The following CHST10 variants were observed in gnomAD, a reference collection of about 807,000 sequenced individuals.
CHST10 encodes HNK-1 sulfotransferase.
CHST10 carries 24 observed loss-of-function variants against 34.7 expected under a neutral mutation model. That is an observed-to-expected ratio of 0.69 (90% CI 0.50 to 0.97). CHST10 has a LOEUF of 0.97. Among genes scored for constraint, CHST10 ranks in the 50% least tolerant of loss-of-function variants. The pLI, the probability that CHST10 is intolerant of heterozygous loss-of-function variation, is 0.00. For missense variants in CHST10, 402 were observed against 452.1 expected (o/e 0.89, Z 1.00); for synonymous variants, 161 against 169.3 (o/e 0.95, Z 0.38).
chr2:100,417,151 T>G, intron 1 of CHST10: 1 of 951,920 alleles, frequency 1.1e-6, no homozygotes, highest in South Asian at 1.4e-5. Context: ...ATTCCGCGGG[T>G]CACAGCATCC....
At chr2:100,412,416 T>C (rs990454667) in intron 2 of CHST10, among the ~76,000 whole-genome samples, 2 of 152,168 alleles carry the variant, frequency 1.3e-5, no homozygotes, top group Non-Finnish European at 2.9e-5. Context: ...CCTGAAGGTG[T>C]CTGGCTTTAT....
intron 3 of CHST10, among the ~76,000 whole-genome samples, chr2:100,405,290 T>A (rs1204408117): frequency 5.3e-5 from 8 of 152,188 alleles, no homozygotes; most frequent in Admixed American, 5.2e-4. Context: ...CTCCCGAGGC[T>A]GTGCAGACCT....
Position 100,392,055 on chromosome 2 carries a change from T to C in CHST10, c.*1190A>G, listed in dbSNP as rs182231104. 127 of 152,828 alleles carry C rather than the reference T, an allele frequency of 8.3e-4. No individual in the cohort carries two copies. Among genetic ancestry groups the C allele is most frequent in the African/African-American group, 2.8e-3 (115 of 41,580 alleles). The allele number at this position is 152,828 out of a possible 1,614,324, so 9.5% of individuals were successfully genotyped here. On this transcript the variant is annotated 3_prime_UTR_variant, in exon 7 of 7. Coordinates refer to ENST00000264249, the MANE Select transcript of CHST10 (RefSeq NM_004854.5). ...TCTCAGCGGTCCTGGCTGTGGACGG[T>C]ATCTGAAATGGTCGCTGCGGCTTGC...
chr2:100,402,806 C>A, intron 3 of CHST10, 151 bp from the exon 4 acceptor site: 1 of 624,468 alleles, frequency 1.6e-6, no homozygotes, highest in Non-Finnish European at 2.8e-6. Context: ...GGAGGGCAGT[C>A]TGTCCAACAA....
chr2:100,393,341 C>T lies in CHST10; in HGVS notation c.975G>A (p.Leu325=). 6.2e-7 allele frequency: 1 copy of T among 1,614,170 alleles called. No individual in the cohort carries two copies. Among genetic ancestry groups the T allele is most frequent in the Admixed American group, 1.7e-5 (1 of 60,016 alleles). The change falls in exon 7 of 7, where the codon CTG becomes CTA. Residue 325 remains leucine (L), a synonymous_variant. Coordinates refer to ENST00000264249, the MANE Select transcript of CHST10 (RefSeq NM_004854.5). ...YNRTKVEHYF[L]GISKRDIRRL... ...GTCGGATGTCTCGTTTGCTGATGCC[C>T]AGGAAATAGTGCTCCACCTTGGTTC...
chr2:100,408,588 A>G (rs1489391649), intron 2 of CHST10: 1 of 148,062 alleles, frequency 6.8e-6, no homozygotes, highest in African/African-American at 2.5e-5. Context: ...ATCCCTTGGC[A>G]CTCTTCGTGA....
rs1465829 is a variant in CHST10, at chr2:100,402,569, G to A, written c.187C>T (p.Leu63=). 3,558 of 1,613,538 alleles carry A rather than the reference G, an allele frequency of 2.2e-3. 54 individuals carry two copies. In the East Asian group the frequency reaches 0.041, roughly 18 times the overall value. Residue 63 remains leucine, a synonymous_variant, in exon 4 of 7, where the codon CTG becomes TTG. Coordinates refer to ENST00000264249, the MANE Select transcript of CHST10 (RefSeq NM_004854.5). ...CACGGCCTGGCTGTGCCCACCTTCA[G>A]TTCCTCAGGAATGTGCTTCTCTTCT... The part of the protein sequence containing the change: ...LPEEKHIPEE[L]KPTGKELPDS...
Position 100,397,902 on chromosome 2 carries a change from A to G in CHST10, c.427+6T>C, listed in dbSNP as rs376796921. The G allele has an allele frequency of 5.0e-6, 8 of 1,606,642 alleles. No individual in the cohort carries two copies. The African/African-American group carries it at 1.1e-4, about 21-fold the overall frequency. On this transcript the variant is annotated splice_donor_region_variant and intron_variant, in intron 5 of 6. Coordinates refer to ENST00000264249, the MANE Select transcript of CHST10 (RefSeq NM_004854.5). ...CCCAGTGGACATTCAGTAGACCCAC[A>G]CACACCATTTAGAACAATCAGCACT... is the stretch of plus-strand genomic sequence containing the variant.
chr2:100,402,447 G>C (rs1458006598), intron 4 of CHST10, 117 bp downstream of exon 4: 3 of 755,356 alleles, frequency 4.0e-6, no homozygotes, highest in Non-Finnish European at 6.9e-6. Flanking sequence ...AGTAACACAG[G>C]AAAAGGCTCT....
At chr2:100,402,738 G>A in intron 3 of CHST10, 83 bp from the exon 4 acceptor site, 2 of 1,233,332 alleles carry the variant, frequency 1.6e-6, no homozygotes. Context: ...CCCAGAAATA[G>A]AAGCTCTCAA....
chr2:100,398,359 A>G lies in CHST10; in HGVS notation c.193-217T>C, dbSNP rs551285734. On this transcript the variant is annotated intron_variant, in intron 4 of 6. Transcript: ENST00000264249. ...AGCCCGATCGGCAGGCTGGGCAAGG[A>G]AAATGAATGCAAGCTTGGTTCCTCA... is the stretch of plus-strand genomic sequence containing the variant. Among the ~76,000 whole-genome samples, 222 of 151,890 alleles carry G rather than the reference A, an allele frequency of 1.5e-3. 6 individuals are homozygous for G. The South Asian group carries it at 0.046, about 31-fold the overall frequency.
intron 6 of CHST10, 46 bp downstream of exon 6, chr2:100,395,463 A>G (rs769808973): frequency 1.9e-6 from 3 of 1,540,618 alleles, no homozygotes; most frequent in Non-Finnish European, 2.7e-6. Flanking sequence ...ATTTCTTCTC[A>G]GGTTTACAAA....
chr2:100,398,973 T>A (rs1341749475), intron 4 of CHST10, among the ~76,000 whole-genome samples: 1 of 152,146 alleles, frequency 6.6e-6, no homozygotes, highest in Admixed American at 6.5e-5. Context: ...CACCTCCTTG[T>A]TCTCTGGAGG....
intron 1 of CHST10, 93 bp downstream of exon 1, chr2:100,417,281 A>C (rs1309704145): frequency 5.7e-6 from 2 of 349,264 alleles, no homozygotes; most frequent in East Asian, 7.5e-5. Context: ...GCCAGGACAA[A>C]ACCCGCGGGT....
chr2:100,393,152 G>C lies in CHST10; in HGVS notation c.*93C>G. 1 of 1,376,256 alleles carries C rather than the reference G, an allele frequency of 7.3e-7. No homozygotes were observed. Among genetic ancestry groups the C allele is most frequent in the Non-Finnish European group, 1.0e-6 (1 of 992,370 alleles). 85.3% of individuals were successfully genotyped at this position (1,376,256 alleles called of 1,614,324 possible). A position where few individuals can be genotyped will look rare whatever the true frequency, so the allele number is the denominator to read the frequency against. ...AGACCCCGGGCGTCCTCAAAGGAGG[G>C]GTGTGGTGGAGGAAGGGTCATTTCT... On this transcript the variant is annotated 3_prime_UTR_variant, in exon 7 of 7. Transcript: ENST00000264249.
chr2:100,407,864 G>C (rs892387547), intron 2 of CHST10: 1 of 152,160 alleles, frequency 6.6e-6, no homozygotes, highest in African/African-American at 2.4e-5. Context: ...AAGGCTTCGT[G>C]TGTTTCCTGG....
chr2:100,395,409 G>T, intron 6 of CHST10, 100 bp downstream of exon 6: 1 of 1,021,818 alleles, frequency 9.8e-7, no homozygotes, highest in South Asian at 1.4e-5. Context: ...GTGGTCCTCC[G>T]ATCAATCTGC....
chr2:100,393,838 G>C (rs1674920776), intron 6 of CHST10, 56 bp from the exon 7 acceptor site: 1 of 1,441,272 alleles, frequency 6.9e-7, no homozygotes. Context: ...TCACAGCTGA[G>C]GGGGCGGGAG....
In CHST10 at chr2:100,393,102, C is replaced by T; in HGVS notation, c.*143G>A. 3.8e-6 allele frequency: 3 copies of T among 797,494 alleles called. No homozygotes were observed. The highest frequency in any genetic ancestry group is 1.7e-5 in the African/African-American group (1 of 57,406). The allele number at this position is 797,494 out of a possible 1,614,324, so 49.4% of individuals were successfully genotyped here. A position where few individuals can be genotyped will look rare whatever the true frequency, so the allele number is the denominator to read the frequency against. On this transcript the variant is annotated 3_prime_UTR_variant, in exon 7 of 7. Coordinates refer to ENST00000264249, the MANE Select transcript of CHST10 (RefSeq NM_004854.5). ...AACAGTTGGGGTTCTGCGTCATATG[C>T]CGAGGCAACTCACAGGCCTGTGGGA... is the stretch of plus-strand genomic sequence containing the variant.
Sources: allele counts gnomAD v4.1 joint callset (sites outside exome capture counted in the v4.1 genomes callset), GRCh38; gene constraint gnomAD v4.1.1; transcripts MANE v1.5; gene names NCBI Gene and HGNC (gene_info 2026-07-23, HGNC 2026-07-21).